The following NFATC2 variants were observed in gnomAD, a reference collection of about 807,000 sequenced individuals.
NFATC2 encodes nuclear factor of activated T-cells, cytoplasmic 2.
In NFATC2, 22 loss-of-function variants were observed where a neutral mutation model predicts 87.3. That is an observed-to-expected ratio of 0.25 (90% CI 0.18 to 0.36). The LOEUF (loss-of-function observed/expected upper bound fraction) is 0.36. Ranked by LOEUF, NFATC2 falls within the 10% of genes least tolerant of loss-of-function variation. The pLI, the probability that NFATC2 is intolerant of heterozygous loss-of-function variation, is 1.00. For synonymous variants in NFATC2, 565 were observed against 542.2 expected (o/e 1.04, Z -0.58); for missense variants, 1,149 against 1,259.1 (o/e 0.91, Z 1.32).
At position 51,475,608 on chromosome 20, in the gene NFATC2, G is replaced by A. The variant is rs375509230; in HGVS notation, c.1385C>T (p.Thr462Ile). The A allele has an allele frequency of 1.2e-6, 2 of 1,614,024 alleles. No homozygotes were observed. The highest frequency in any genetic ancestry group is 1.1e-5 in the South Asian group (1 of 91,082). The change falls in exon 4 of 11, where the codon ACA becomes ATA. Residue 462 changes from threonine (T) to isoleucine (I), a missense_variant. This residue lies in a region of NFATC2 where 581 missense variants were observed against 649.7 expected (regional missense o/e 0.89). Transcript: ENST00000371564. Reference sequence around the variant, plus strand: ...CGGCTTAAGGATCCGCTCATCAGCTGTCCCAATGAAGATCTGAAGTCCCAG... The same window carrying A: ...CGGCTTAAGGATCCGCTCATCAGCTATCCCAATGAAGATCTGAAGTCCCAG... The part of the protein sequence containing the change: ...KPLGLQIFIG[T>I]ADERILKPHA...
chr20:51,519,669 A>G (rs1316975806), intron 2 of NFATC2, among the ~76,000 whole-genome samples: 1 of 149,558 alleles, frequency 6.7e-6, no homozygotes, highest in Non-Finnish European at 1.5e-5. Flanking sequence ...TAATCCTAGC[A>G]CTTTGGGAGG....
At chr20:51,546,546 T>A (rs1424411818), upstream of NFATC2, among the ~76,000 whole-genome samples, 6 of 152,096 alleles carry the variant, frequency 3.9e-5, no homozygotes, top group Non-Finnish European at 7.4e-5. Context: ...GTGTCTGACC[T>A]CCTTTGGACA....
At chr20:51,530,487 G>A (rs1039569235) in intron 1 of NFATC2, among the ~76,000 whole-genome samples, 3 of 152,106 alleles carry the variant, frequency 2.0e-5, no homozygotes, top group Non-Finnish European at 2.9e-5. Flanking sequence ...CACTCCTTCT[G>A]ACTAGTTCAA....
At chr20:51,492,913 T>C (rs73910885) in intron 3 of NFATC2, among the ~76,000 whole-genome samples, 2,242 of 152,338 alleles carry the variant, frequency 0.015, 57 homozygotes, top group African/African-American at 0.051. Context: ...CAGCGACGTA[T>C]CCACGGGCTC....
chr20:51,425,034 T>C (rs1469029982), intron 9 of NFATC2, among the ~76,000 whole-genome samples: 1 of 151,674 alleles, frequency 6.6e-6, no homozygotes, highest in African/African-American at 2.4e-5. Flanking sequence ...TGACATTTCA[T>C]GGCATGGAGA....
intron 3 of NFATC2, among the ~76,000 whole-genome samples, chr20:51,504,543 A>AACT (rs1182291927): frequency 6.6e-6 from 1 of 152,248 alleles, no homozygotes; most frequent in Non-Finnish European, 1.5e-5. Context: ...ACCACTAAGG[A>AACT]ACTTATTCAT....
intron 10 of NFATC2, among the ~76,000 whole-genome samples, chr20:51,395,743 C>T (rs1473318275): frequency 6.6e-6 from 1 of 150,484 alleles, no homozygotes; most frequent in Non-Finnish European, 1.5e-5. Flanking sequence ...ATGACAAAGT[C>T]ATTTATATAT....
rs146675277 is a variant in NFATC2 at position 51,509,478 on chromosome 20, G to A, written c.1332+7306C>T. Among the ~76,000 whole-genome samples, 1,129 of 151,974 alleles carry A rather than the reference G, an allele frequency of 7.4e-3. 8 individuals are homozygous for A. Among genetic ancestry groups the A allele is most frequent in the Middle Eastern group, 0.041 (12 of 294 alleles). ...AACATTCTCCTCCTCCAATTTTTTGGAAGCCTGAGTGACCCGGCCACCACC... is the reference window on the plus strand; with the variant it reads ...AACATTCTCCTCCTCCAATTTTTTGAAAGCCTGAGTGACCCGGCCACCACC... On this transcript the variant is annotated intron_variant, in intron 3 of 10. Coordinates refer to ENST00000371564, the MANE Select transcript of NFATC2 (RefSeq NM_012340.5).
At chr20:51,470,463 T>C (rs1176170640) in intron 5 of NFATC2, among the ~76,000 whole-genome samples, 1 of 152,160 alleles carries the variant, frequency 6.6e-6, no homozygotes. Context: ...CACTCCACCT[T>C]CCAAAGAGCT....
intron 9 of NFATC2, among the ~76,000 whole-genome samples, chr20:51,429,736 G>A (rs905924792): frequency 3.3e-5 from 5 of 152,104 alleles, no homozygotes; most frequent in Admixed American, 6.5e-5. Context: ...TTAAACAAAA[G>A]CAAAAACAAA....
rs1292015247 is a variant in NFATC2 at position 51,412,974 on chromosome 20, CCCCCCATCCCCCGCTCCCG to C, written c.2723-14263_2723-14245del. The stretch of plus-strand genomic sequence containing the variant: ...CCACCCCCGCCCCACCGACCCCGGC[CCCCCCATCCCCCGCTCCCG>C]CCGCCCCCCCCCCTCCCCGCCAAAC... On this transcript the variant is annotated intron_variant, in intron 9 of 10. Transcript: ENST00000371564. 6.6e-5 allele frequency among the ~76,000 whole-genome samples: 3 copies of C among 45,454 alleles called. No individual in the cohort carries two copies. The East Asian group carries it at 2.2e-3, about 33-fold the overall frequency. The allele number at this position is 45,454 out of a possible 152,430, so 29.8% of individuals were successfully genotyped here. A position where few individuals can be genotyped will look rare whatever the true frequency, so the allele number is the denominator to read the frequency against.
At chr20:51,410,947 C>G (rs1178470159) in intron 9 of NFATC2, among the ~76,000 whole-genome samples, 4 of 152,140 alleles carry the variant, frequency 2.6e-5, no homozygotes, top group Non-Finnish European at 5.9e-5. Flanking sequence ...CCAGCACCTA[C>G]CAATTTACCT....
chr20:51,398,436 TCTC>T (rs1428154896), intron 10 of NFATC2, among the ~76,000 whole-genome samples: 2 of 152,000 alleles, frequency 1.3e-5, no homozygotes, highest in Admixed American at 1.3e-4. Flanking sequence ...CATCCCCCCT[TCTC>T]CCGCCCAACC....
Position 51,454,643 on chromosome 20 carries a change from G to A in NFATC2, c.1754C>T (p.Thr585Ile), listed in dbSNP as rs533675052. Residue 585 changes from threonine (T) to isoleucine (I), a missense_variant, in exon 6 of 11, where the codon ACA becomes ATA. Transcript: ENST00000371564. Reference protein sequence around the residue: ...HELPMVERQDTDSCLVYGGQQ... With the variant: ...HELPMVERQDIDSCLVYGGQQ... ...GCCGCCATAGACCAGGCAGCTGTCT[G>A]TGTCTTGTCTTTCAACCATGGGCAG... is the stretch of plus-strand genomic sequence containing the variant. 2.5e-6 allele frequency: 4 copies of A among 1,614,128 alleles called. No homozygotes were observed. Among genetic ancestry groups the A allele is most frequent in the South Asian group, 2.2e-5 (2 of 91,088 alleles).
intron 9 of NFATC2, among the ~76,000 whole-genome samples, chr20:51,428,284 C>T (rs1054109837): frequency 7.9e-5 from 12 of 152,096 alleles, no homozygotes; most frequent in African/African-American, 2.7e-4. Context: ...GCAGAGAGAA[C>T]GCAAGTGACG....
At position 51,562,516 on chromosome 20, in the gene NFATC2, G is replaced by A; in HGVS notation, c.70+44C>T. The stretch of plus-strand genomic sequence containing the variant: ...GACGGGAGCAGCAGGAAAGGGCCGG[G>A]AGGAGCGAGCGGAAAAGGCTGGAAG... On this transcript the variant is annotated intron_variant, in intron 1 of 10. Transcript: ENST00000414705. This position sits in a 1 kb window ranked among gnomAD's most constrained non-coding sequence, Gnocchi z 5.8. The A allele has an allele frequency of 1.3e-6, 2 of 1,505,486 alleles. No homozygotes were observed. The highest frequency in any genetic ancestry group is 1.2e-5 in the South Asian group (1 of 81,802). The allele number at this position is 1,505,486 out of a possible 1,614,324, so 93.3% of individuals were successfully genotyped here.
At chr20:51,547,551 A>T (rs1005993988), upstream of NFATC2, among the ~76,000 whole-genome samples, 1 of 152,066 alleles carries the variant, frequency 6.6e-6, no homozygotes, top group Non-Finnish European at 1.5e-5. Flanking sequence ...GCTCATTTTT[A>T]TCTACAACCT....
At chr20:51,554,672 C>A (rs1420554467) in intron 1 of NFATC2, among the ~76,000 whole-genome samples, 1 of 152,114 alleles carries the variant, frequency 6.6e-6, no homozygotes, top group Non-Finnish European at 1.5e-5. Context: ...GAAATGAGGG[C>A]GTGCAGCAGG....
rs1157778270 is a variant in NFATC2, at chr20:51,415,860, A to C, written c.2722+16207T>G. ...TTCTTGCCAATGTTGTCAGTCTCACAGGAGGAAAAACTGACCCTGGTCTGG... is the reference window on the plus strand; with the variant it reads ...TTCTTGCCAATGTTGTCAGTCTCACCGGAGGAAAAACTGACCCTGGTCTGG... On this transcript the variant is annotated intron_variant, in intron 9 of 10. Coordinates refer to ENST00000371564, the MANE Select transcript of NFATC2 (RefSeq NM_012340.5). Among the ~76,000 whole-genome samples the C allele has an allele frequency of 5.9e-5, 9 of 152,108 alleles. No individual in the cohort carries two copies. The East Asian group carries it at 1.7e-3, about 29-fold the overall frequency.
Sources: allele counts gnomAD v4.1 joint callset (sites outside exome capture counted in the v4.1 genomes callset), GRCh38; gene constraint gnomAD v4.1.1; regional missense constraint gnomAD v4.1.1; non-coding constraint Gnocchi (gnomAD v3.1); transcripts MANE v1.5; gene names NCBI Gene and HGNC (gene_info 2026-07-23, HGNC 2026-07-21).